The following DOP1B variants were observed in gnomAD, a reference collection of about 807,000 sequenced individuals.
DOP1B encodes DOP1 leucine zipper like protein B.
Under a neutral mutation model 233.5 loss-of-function variants are expected in DOP1B, and 174 were observed. The ratio of observed to expected loss-of-function variants is 0.75; its 90% CI spans 0.66 to 0.85. The LOEUF is 0.85. Among genes scored for constraint, DOP1B ranks in the 40% least tolerant of loss-of-function variants. DOP1B has a pLI of 0.00. For missense variants in DOP1B, 2,652 were observed against 2,846.6 expected (o/e 0.93, Z 1.56); for synonymous variants, 1,190 against 1,185.6 (o/e 1.00, Z -0.08).
Position 36,278,365 on chromosome 21 carries a change from G to T in DOP1B, c.5969+10G>T. ...ATACTTCCTGTGTTCAGTAAGATAT[G>T]CTGTCCTGATAACAACGTGCTCTGA... On this transcript the variant is annotated intron_variant, in intron 30 of 36. Transcript: ENST00000691173. 6.2e-7 allele frequency: 1 copy of T among 1,605,412 alleles called. No individual in the cohort carries two copies. The highest frequency in any genetic ancestry group is 8.5e-7 in the Non-Finnish European group (1 of 1,178,196).
At chr21:36,190,149 C>G (rs1455372517) in intron 2 of DOP1B, among the ~76,000 whole-genome samples, 1 of 152,052 alleles carries the variant, frequency 6.6e-6, no homozygotes, top group Non-Finnish European at 1.5e-5. Flanking sequence ...GAAACCCCGT[C>G]TCTAATAAAA....
At chr21:36,232,598 C>A (rs2123553543) in intron 14 of DOP1B, among the ~76,000 whole-genome samples, 1 of 152,264 alleles carries the variant, frequency 6.6e-6, no homozygotes, top group Non-Finnish European at 1.5e-5. Context: ...GATTAGGGCC[C>A]ACCCTAACAA....
At chr21:36,193,954 T>C (rs1386523123) in intron 2 of DOP1B, among the ~76,000 whole-genome samples, 8 of 152,236 alleles carry the variant, frequency 5.3e-5, no homozygotes, top group Admixed American at 5.2e-4. Flanking sequence ...AAATTCTTTA[T>C]ACATGGTAAC....
chr21:36,211,474 A>C, intron 5 of DOP1B, 79 bp from the exon 6 acceptor site: 1 of 1,334,156 alleles, frequency 7.5e-7, no homozygotes, highest in Non-Finnish European at 1.1e-6. Context: ...GAGTTTCAAG[A>C]TTCCCGGGAA....
In DOP1B at chr21:36,164,263, C is replaced by T. The variant is rs2065889957; in HGVS notation, c.-26-445C>T. Among the ~76,000 whole-genome samples the T allele has an allele frequency of 2.0e-5, 3 of 152,318 alleles. No individual in the cohort carries two copies. In the South Asian group the frequency reaches 6.2e-4, roughly 32 times the overall value. ...ACTTGAGCTTAGGAGGTCAAGGCTG[C>T]AGTGACCCGTGATCGTGCCACTGCA... is the stretch of plus-strand genomic sequence containing the variant. On this transcript the variant is annotated intron_variant, in intron 1 of 36. Transcript: ENST00000691173.
chr21:36,236,777 C>CTTTTT (rs35374710), intron 15 of DOP1B, among the ~76,000 whole-genome samples: 12 of 118,568 alleles, frequency 1.0e-4, no homozygotes, highest in South Asian at 2.7e-4. Context: ...TTTTCTTTTT[C>CTTTTT]TTTTTTTTTT....
At chr21:36,178,635 G>A (rs2066059041) in intron 2 of DOP1B, among the ~76,000 whole-genome samples, 1 of 152,102 alleles carries the variant, frequency 6.6e-6, no homozygotes, top group Non-Finnish European at 1.5e-5. Flanking sequence ...ATTTTGTTAT[G>A]GCAGCCTGGG....
In DOP1B at chr21:36,200,369, C is replaced by T. The variant is rs201491075; in HGVS notation, c.359C>T (p.Ser120Leu). 1.0e-4 allele frequency: 168 copies of T among 1,609,722 alleles called. No individual in the cohort carries two copies. Among genetic ancestry groups the T allele is most frequent in the South Asian group, 2.0e-4 (18 of 90,618 alleles). ...LFPLLAHAAV[S>L]VRPVLLTLYE... is the part of the protein sequence containing the mutation. Reference sequence around the variant, plus strand: ...CCTCTCCTGGCACACGCGGCGGTGTCGGTGAGGCCGGTGCTGCTCACCCTG... The same window carrying T: ...CCTCTCCTGGCACACGCGGCGGTGTTGGTGAGGCCGGTGCTGCTCACCCTG... Residue 120 changes from serine to leucine, a missense_variant, in exon 4 of 37, where the codon TCG becomes TTG. This residue lies in a region of DOP1B where 2,617 missense variants were observed against 2,794.3 expected (regional missense o/e 0.94). Coordinates refer to ENST00000691173, the MANE Select transcript of DOP1B (RefSeq NM_001320714.2).
At chr21:36,270,597 A>C (rs991430531) in intron 27 of DOP1B, among the ~76,000 whole-genome samples, 1 of 147,286 alleles carries the variant, frequency 6.8e-6, no homozygotes, top group Admixed American at 6.8e-5. Context: ...AGCAGTGACA[A>C]GATGTTAGTC....
intron 13 of DOP1B, among the ~76,000 whole-genome samples, chr21:36,229,580 G>A (rs1051603663): frequency 6.6e-6 from 1 of 151,518 alleles, no homozygotes; most frequent in African/African-American, 2.4e-5. Context: ...ACATTCACAG[G>A]TATTGGGAGT....
In DOP1B at chr21:36,245,183, G is replaced by T; in HGVS notation, c.3203G>T (p.Trp1068Leu). 6.2e-7 allele frequency: 1 copy of T among 1,614,026 alleles called. No individual in the cohort carries two copies. Among genetic ancestry groups the T allele is most frequent in the Non-Finnish European group, 8.5e-7 (1 of 1,180,024 alleles). ...ACCACAGTGGACCGTGAAGCCATTT[G>T]GGCCGAAGTGGAGAAGGAGCCCGAG... ...QFTTVDREAI[W>L]AEVEKEPEKY... Residue 1068 changes from tryptophan (W) to leucine (L), a missense_variant, in exon 19 of 37, where the codon TGG (tryptophan) becomes TTG (leucine). Physicochemically the swap from Trp to Leu is moderately conservative, Grantham distance 61. This residue lies in a region of DOP1B where 2,617 missense variants were observed against 2,794.3 expected (regional missense o/e 0.94). Coordinates refer to ENST00000691173, the MANE Select transcript of DOP1B (RefSeq NM_001320714.2). This position sits in a 1 kb window ranked among gnomAD's most constrained non-coding sequence, Gnocchi z 5.5.
chr21:36,258,011 A>ATG (rs1309957840), intron 23 of DOP1B, among the ~76,000 whole-genome samples: 3 of 149,438 alleles, frequency 2.0e-5, no homozygotes, highest in African/African-American at 5.0e-5. Flanking sequence ...AGGTAGGTAG[A>ATG]TAGGTAGAGA....
chr21:36,200,434 C>T lies in DOP1B; in HGVS notation c.424C>T (p.Pro142Ser). The T allele has an allele frequency of 6.2e-7, 1 of 1,613,452 alleles. No homozygotes were observed. Among genetic ancestry groups the T allele is most frequent in the Non-Finnish European group, 8.5e-7 (1 of 1,180,026 alleles). The change falls in exon 4 of 37, where the codon CCC becomes TCC. Residue 142 changes from proline to serine, a missense_variant. Pro to Ser is a moderately conservative substitution (Grantham distance 74, BLOSUM62 -1). Transcript: ENST00000691173. Reference sequence around the variant, plus strand: ...CCTCCCACTGCAGAAGCTGCTCCTGCCCAGTCTGCAGGCCTTCATCGTGGG... The same window carrying T: ...CCTCCCACTGCAGAAGCTGCTCCTGTCCAGTCTGCAGGCCTTCATCGTGGG... ...YFLPLQKLLL[P>S]SLQAFIVGLL...
intron 1 of DOP1B, among the ~76,000 whole-genome samples, chr21:36,159,527 C>T (rs982740014): frequency 3.9e-5 from 6 of 152,210 alleles, no homozygotes; most frequent in African/African-American, 1.4e-4. Context: ...TGCTTGGTAG[C>T]ATACCACGTG....
intron 2 of DOP1B, chr21:36,169,280 T>C (rs2065947600): frequency 1.2e-6 from 1 of 817,478 alleles, no homozygotes; most frequent in African/African-American, 1.7e-5. Context: ...GGAGGCATTG[T>C]TCTTGATCGG....
chr21:36,158,108 A>G (rs1002879316), intron 1 of DOP1B, among the ~76,000 whole-genome samples: 1 of 151,966 alleles, frequency 6.6e-6, no homozygotes, highest in African/African-American at 2.4e-5. Context: ...CCTGAATTTG[A>G]TTTTCTATGA....
intron 2 of DOP1B, chr21:36,170,030 C>T: frequency 4.1e-6 from 3 of 735,332 alleles, no homozygotes; most frequent in Middle Eastern, 3.7e-4. Context: ...GTCATGCCAG[C>T]CTTGTATCCC....
chr21:36,202,147 A>G (rs916720930), intron 4 of DOP1B, among the ~76,000 whole-genome samples: 2 of 152,188 alleles, frequency 1.3e-5, no homozygotes, highest in African/African-American at 2.4e-5. Context: ...AGATTGCACC[A>G]CTGCACTCCA....
chr21:36,208,386 T>C (rs1189372708), intron 4 of DOP1B, among the ~76,000 whole-genome samples: 1 of 152,198 alleles, frequency 6.6e-6, no homozygotes, highest in Non-Finnish European at 1.5e-5. Context: ...GAACCTCCCT[T>C]CCGTGAGCAC....
Sources: gnomAD v4.1 joint callset for allele counts (sites outside exome capture counted in the v4.1 genomes callset) on GRCh38, gnomAD v4.1.1 for gene constraint, gnomAD v4.1.1 regional missense constraint, Gnocchi (gnomAD v3.1) non-coding constraint, MANE v1.5 for transcripts, NCBI Gene and HGNC (gene_info 2026-07-23, HGNC 2026-07-21) for gene names.